IL36B: variants seen among roughly 807,000 people sequenced by gnomAD.
IL36B encodes the protein interleukin-36 beta.
A neutral mutation model predicts 19.3 loss-of-function variants in IL36B; 23 were observed. The ratio of observed to expected loss-of-function variants is 1.19; its 90% CI spans 0.86 to 1.69. IL36B has a LOEUF of 1.69. Among genes scored for constraint, IL36B ranks in the 40% most tolerant of loss-of-function variants. The pLI, the probability that IL36B is intolerant of heterozygous loss-of-function variation, is 0.00. For synonymous variants in IL36B, 59 were observed against 59.7 expected (o/e 0.99, Z 0.05); for missense variants, 217 against 200.5 (o/e 1.08, Z -0.50).
chr2:113,039,236 T>C (rs1039063242), intron 1 of IL36B, among the ~76,000 whole-genome samples: 3 of 152,120 alleles, frequency 2.0e-5, no homozygotes, highest in African/African-American at 7.2e-5. Context: ...TGCTCTTGCT[T>C]GACCCCTCAC....
At chr2:113,043,760 G>C (rs926209303) in intron 1 of IL36B, among the ~76,000 whole-genome samples, 4 of 152,158 alleles carry the variant, frequency 2.6e-5, no homozygotes, top group African/African-American at 7.2e-5. Flanking sequence ...CACCATGTTG[G>C]CCAGGCTTGT....
At chr2:113,030,364 T>C (rs1198460921) in intron 3 of IL36B, among the ~76,000 whole-genome samples, 1 of 151,734 alleles carries the variant, frequency 6.6e-6, no homozygotes, top group African/African-American at 2.4e-5. Context: ...ATGGGTGAAA[T>C]AGAAGGTTGG....
rs1001732610 is a variant in IL36B at position 113,022,523 on chromosome 2, A to G, written c.*151T>C. On this transcript the variant is annotated 3_prime_UTR_variant, in exon 6 of 6. Transcript: ENST00000259213. ...CTAGCTTTACAGGTAAGATTTACCA[A>G]CTCTTTAAAAATACATAGTGTCCTT... The G allele has an allele frequency of 1.2e-5, 7 of 584,534 alleles. No individual in the cohort carries two copies. The highest frequency in any genetic ancestry group is 1.9e-5 in the African/African-American group (1 of 53,214). 36.2% of individuals were successfully genotyped at this position (584,534 alleles called of 1,614,324 possible). A position where few individuals can be genotyped will look rare whatever the true frequency, so the allele number is the denominator to read the frequency against.
chr2:113,029,845 G>A (rs762031555), intron 3 of IL36B, among the ~76,000 whole-genome samples: 7 of 152,150 alleles, frequency 4.6e-5, no homozygotes, highest in African/African-American at 9.7e-5. Flanking sequence ...CCTGAGGAAC[G>A]CCATCATTTG....
chr2:113,028,792 T>C lies in IL36B; in HGVS notation c.261+147A>G. ...ATATCCATTCCAAAGGCAGCATTTA[T>C]AGATTCAGGGATCAGCCAGGTCAGA... On this transcript the variant is annotated intron_variant, in intron 4 of 5. Transcript: ENST00000259213. 4.3e-6 allele frequency: 3 copies of C among 705,504 alleles called. No individual in the cohort carries two copies. The South Asian group carries it at 8.8e-5, about 21-fold the overall frequency. 43.7% of individuals were successfully genotyped at this position (705,504 alleles called of 1,614,324 possible).
intron 5 of IL36B, among the ~76,000 whole-genome samples, chr2:113,024,993 T>C (rs2105038747): frequency 6.6e-6 from 1 of 152,328 alleles, no homozygotes; most frequent in Non-Finnish European, 1.5e-5. Context: ...CTGGGCTCCT[T>C]CTCTTGTGCC....
intron 1 of IL36B, among the ~76,000 whole-genome samples, chr2:113,037,610 C>T (rs556663170): frequency 2.6e-5 from 4 of 151,482 alleles, no homozygotes; most frequent in African/African-American, 9.7e-5. Context: ...AATCACGCCA[C>T]TGCACTCCAA....
At position 113,031,689 on chromosome 2, in the gene IL36B, C is replaced by T. The variant is rs1558832767; in HGVS notation, c.13+8G>A. 6.2e-7 allele frequency: 1 copy of T among 1,609,400 alleles called. No individual in the cohort carries two copies. Among genetic ancestry groups the T allele is most frequent in the Non-Finnish European group, 8.5e-7 (1 of 1,176,042 alleles). On this transcript the variant is annotated splice_region_variant and intron_variant, in intron 2 of 5. Coordinates refer to ENST00000259213, the MANE Select transcript of IL36B (RefSeq NM_014438.5). ...TATTTCCAAGCTGATTTGCAATTCACCACTTACGTTGTGGGTTCATGATGT... is the reference window on the plus strand; with the variant it reads ...TATTTCCAAGCTGATTTGCAATTCATCACTTACGTTGTGGGTTCATGATGT...
In IL36B at chr2:113,023,035, G is replaced by A. The variant is rs140063120; in HGVS notation, c.392-258C>T. Among the ~76,000 whole-genome samples, 16 of 152,256 alleles carry A rather than the reference G, an allele frequency of 1.1e-4. No homozygotes were observed. In the East Asian group the frequency reaches 2.3e-3, roughly 22 times the overall value. ...AGATTGAGGCCCCAGAAGACTAAGA[G>A]GCACCCCTCACTTCCCTAATCCAGC... On this transcript the variant is annotated intron_variant, in intron 5 of 5. Coordinates refer to ENST00000259213, the MANE Select transcript of IL36B (RefSeq NM_014438.5).
chr2:113,050,957 G>A (rs968468611), intron 1 of IL36B, among the ~76,000 whole-genome samples: 10 of 151,872 alleles, frequency 6.6e-5, no homozygotes, highest in Middle Eastern at 3.2e-3. Flanking sequence ...TCTCAGCGTG[G>A]CCTCCCGATC....
At chr2:113,030,230 T>TA (rs539841856) in intron 3 of IL36B, among the ~76,000 whole-genome samples, 171 of 143,562 alleles carry the variant, frequency 1.2e-3, no homozygotes, top group Middle Eastern at 0.011. Flanking sequence ...AGACTCCGTT[T>TA]AAAAAAAAAA....
At chr2:113,030,018 G>T (rs1046998765) in intron 3 of IL36B, among the ~76,000 whole-genome samples, 4 of 152,286 alleles carry the variant, frequency 2.6e-5, no homozygotes, top group Middle Eastern at 3.4e-3. Context: ...GGATCACGAG[G>T]TCAGGGGTTC....
At chr2:113,050,087 C>A (rs929707748) in intron 1 of IL36B, among the ~76,000 whole-genome samples, 4 of 152,294 alleles carry the variant, frequency 2.6e-5, no homozygotes, top group Middle Eastern at 3.4e-3. Flanking sequence ...TCCATATGAT[C>A]CAGGAGTTCC....
Position 113,028,192 on chromosome 2 carries a change from C to T in IL36B, c.261+747G>A. Reference sequence around the variant, plus strand: ...AAGTAACTCAGCTCTGAGTGTGTAACAGGAGAGGGACTGCTGCCCCCAAAG... The same window carrying T: ...AAGTAACTCAGCTCTGAGTGTGTAATAGGAGAGGGACTGCTGCCCCCAAAG... On this transcript the variant is annotated intron_variant, in intron 4 of 5. Transcript: ENST00000259213. 4 of 1,164,036 alleles carry T rather than the reference C, an allele frequency of 3.4e-6. No homozygotes were observed. In the South Asian group the frequency reaches 5.2e-5, roughly 15 times the overall value. The allele number at this position is 1,164,036 out of a possible 1,614,324, so 72.1% of individuals were successfully genotyped here. A position where few individuals can be genotyped will look rare whatever the true frequency, so the allele number is the denominator to read the frequency against.
chr2:113,032,067 C>T (rs1246449064), intron 1 of IL36B, among the ~76,000 whole-genome samples: 1 of 151,920 alleles, frequency 6.6e-6, no homozygotes, highest in Non-Finnish European at 1.5e-5. Flanking sequence ...TCACCACGGG[C>T]ACCTTCTAGT....
intron 1 of IL36B, among the ~76,000 whole-genome samples, chr2:113,037,448 G>C (rs1200732347): frequency 1.3e-5 from 2 of 152,130 alleles, no homozygotes; most frequent in Non-Finnish European, 2.9e-5. Context: ...TTGGGAGTTT[G>C]AGACCAGCCT....
chr2:113,046,863 C>G (rs1685359660), intron 1 of IL36B, among the ~76,000 whole-genome samples: 1 of 152,104 alleles, frequency 6.6e-6, no homozygotes, highest in Admixed American at 6.5e-5. Context: ...TACTCTTTCA[C>G]CCCCATTTCC....
Position 113,026,183 on chromosome 2 carries a change from A to G in IL36B, c.311T>C (p.Val104Ala), listed in dbSNP as rs1236281672. 1 of 1,613,798 alleles carries G rather than the reference A, an allele frequency of 6.2e-7. No homozygotes were observed. The highest frequency in any genetic ancestry group is 1.3e-5 in the African/African-American group (1 of 74,890). Reference sequence around the variant, plus strand: ...CAGGTTTATGCATGTGTGAATTCCAACTAGTTTCCAGCAAGTGTCCTTCCC... The same window carrying G: ...CAGGTTTATGCATGTGTGAATTCCAGCTAGTTTCCAGCAAGTGTCCTTCCC... Residue 104 changes from valine to alanine, a missense_variant, in exon 5 of 6, where the codon GTT (valine) becomes GCT (alanine). Val to Ala is a moderately conservative substitution (Grantham distance 64). Coordinates refer to ENST00000259213, the MANE Select transcript of IL36B (RefSeq NM_014438.5).
chr2:113,042,479 C>T (rs1182760529), intron 1 of IL36B, among the ~76,000 whole-genome samples: 1 of 152,126 alleles, frequency 6.6e-6, no homozygotes, highest in East Asian at 1.9e-4. Flanking sequence ...GGAATCTGTC[C>T]TTCCCTCCCA....
Sources: gnomAD v4.1 joint callset for allele counts (sites outside exome capture counted in the v4.1 genomes callset) on GRCh38, gnomAD v4.1.1 for gene constraint, MANE v1.5 for transcripts, NCBI Gene and HGNC (gene_info 2026-07-23, HGNC 2026-07-21) for gene names.